The following CD1B variants were observed in gnomAD, a reference collection of about 807,000 sequenced individuals.
CD1B encodes T-cell surface glycoprotein CD1b.
CD1B carries 43 observed loss-of-function variants against 39.8 expected under a neutral mutation model. That is an observed-to-expected ratio of 1.08 (90% CI 0.85 to 1.39). The LOEUF (loss-of-function observed/expected upper bound fraction) is 1.39. Among genes scored for constraint, CD1B ranks in the 40% most tolerant of loss-of-function variants. CD1B has a pLI of 0.00. For missense variants in CD1B, 495 were observed against 403.8 expected, an observed-to-expected ratio of 1.23 and a Z score of -1.94; for synonymous variants, 192 against 152.5, an observed-to-expected ratio of 1.26 and a Z score of -1.91.
At chr1:158,309,897 G>A in the CD1B span, among the ~76,000 whole-genome samples, 1 of 151,902 alleles carries the variant, frequency 6.6e-6, no homozygotes, top group Non-Finnish European at 1.5e-5. Flanking sequence ...CGAGTCAATG[G>A]CTGCAGCACA....
the CD1B span, chr1:158,292,826 C>T: frequency 2.8e-5 from 45 of 1,613,976 alleles, no homozygotes; most frequent in Middle Eastern, 1.6e-4. Context: ...CCTGTCTTGT[C>T]GAGTGAGACA....
the CD1B span, among the ~76,000 whole-genome samples, chr1:158,320,271 G>T: frequency 6.6e-6 from 1 of 152,196 alleles, no homozygotes; most frequent in Non-Finnish European, 1.5e-5. Context: ...CTGCCGCCTT[G>T]CAGTTTGATC....
rs370845791 is a variant in CD1B, at chr1:158,331,358, C to G, written c.61+5G>C. The stretch of plus-strand genomic sequence containing the variant: ...AGTGCTGGGAGCTGCCAGAGTGACT[C>G]TTACCATGTTCACTGTTACCACCAG... On this transcript the variant is annotated splice_donor_5th_base_variant and intron_variant, in intron 1 of 5. Coordinates refer to ENST00000368168, the MANE Select transcript of CD1B (RefSeq NM_001764.3). 1 of 1,612,944 alleles carries G rather than the reference C, an allele frequency of 6.2e-7. No individual in the cohort carries two copies. Among genetic ancestry groups the G allele is most frequent in the Non-Finnish European group, 8.5e-7 (1 of 1,179,066 alleles).
chr1:158,329,288 G>T (rs185631585), intron 4 of CD1B, 82 bp downstream of exon 4: 1 of 1,501,842 alleles, frequency 6.7e-7, no homozygotes, highest in Non-Finnish European at 9.1e-7. Context: ...CATCTCTCAA[G>T]CTCTATCCTT....
At chr1:158,305,087 GA>G in the CD1B span, among the ~76,000 whole-genome samples, 3 of 152,336 alleles carry the variant, frequency 2.0e-5, no homozygotes, top group African/African-American at 7.2e-5. Flanking sequence ...GCAGGATGGA[GA>G]ATGACCTTGA....
the CD1B span, among the ~76,000 whole-genome samples, chr1:158,321,937 C>A: frequency 2.0e-5 from 3 of 152,028 alleles, no homozygotes; most frequent in Non-Finnish European, 4.4e-5. Context: ...CACACTCAGG[C>A]CCCAGTGTGT....
the CD1B span, among the ~76,000 whole-genome samples, chr1:158,289,062 T>A: frequency 4.6e-5 from 7 of 152,258 alleles, no homozygotes; most frequent in Non-Finnish European, 7.3e-5. Flanking sequence ...TTGAGATGCA[T>A]GCTGTTCTTC....
chr1:158,322,518 C>T, the CD1B span, among the ~76,000 whole-genome samples: 8 of 151,652 alleles, frequency 5.3e-5, no homozygotes, highest in Non-Finnish European at 1.2e-4. Flanking sequence ...AATCCACTTG[C>T]CTCAGCTTTC....
intron 1 of CD1B, 22 bp downstream of exon 1, chr1:158,331,341 G>A (rs1652594625): frequency 6.2e-7 from 1 of 1,609,346 alleles, no homozygotes; most frequent in African/African-American, 1.3e-5. Flanking sequence ...CCAGTGCTGG[G>A]AGCTGCCAGA....
the CD1B span, among the ~76,000 whole-genome samples, chr1:158,313,548 G>A: frequency 6.6e-6 from 1 of 152,096 alleles, no homozygotes; most frequent in Non-Finnish European, 1.5e-5. Context: ...GGGCTCAAGT[G>A]ATCCACCCTC....
At position 158,329,976 on chromosome 1, in the gene CD1B, T is replaced by C. The variant is rs57016335; in HGVS notation, c.483A>G (p.Lys161=). The C allele has an allele frequency of 0.01, 16,490 of 1,613,714 alleles. 1,111 individuals carry two copies. The African/African-American group carries it at 0.16, about 16-fold the overall frequency. ...PSPEGGSRAQ[K]FCALIIQYQG... is the part of the protein sequence containing the mutation. The stretch of plus-strand genomic sequence containing the variant: ...GATATTGTATGATTAGTGCACAGAA[T>C]TTCTGTGCCCTGCTGCCACCTTCTG... Residue 161 remains lysine, a synonymous_variant, in exon 3 of 6, where the codon AAA becomes AAG. Transcript: ENST00000368168.
the CD1B span, among the ~76,000 whole-genome samples, chr1:158,307,404 T>G: frequency 1.3e-5 from 2 of 152,156 alleles, no homozygotes; most frequent in African/African-American, 4.8e-5. Flanking sequence ...AATCCCTGAA[T>G]AGACCAATAA....
At chr1:158,305,552 C>A in the CD1B span, among the ~76,000 whole-genome samples, 1 of 152,118 alleles carries the variant, frequency 6.6e-6, no homozygotes, top group Non-Finnish European at 1.5e-5. Flanking sequence ...CAAGGCAGGC[C>A]AACATTCAAA....
chr1:158,306,465 C>A, the CD1B span, among the ~76,000 whole-genome samples: 10 of 152,198 alleles, frequency 6.6e-5, no homozygotes, highest in African/African-American at 2.4e-4. Flanking sequence ...ACTTAGACTC[C>A]CACACAATAA....
the CD1B span, chr1:158,291,184 AACC>A: frequency 6.2e-7 from 1 of 1,613,580 alleles, no homozygotes; most frequent in Non-Finnish European, 8.5e-7. Flanking sequence ...CTCATTTGTC[AACC>A]AATCCTGGGC....
chr1:158,289,223 T>TA, the CD1B span, among the ~76,000 whole-genome samples: 1 of 152,256 alleles, frequency 6.6e-6, no homozygotes, highest in African/African-American at 2.4e-5. Context: ...ATCTGCAGTT[T>TA]AAAACTCTTT....
downstream of CD1B, among the ~76,000 whole-genome samples, chr1:158,324,477 T>C (rs1652281043): frequency 1.3e-5 from 2 of 152,206 alleles, no homozygotes. Context: ...GACTATAACA[T>C]ATATAGTGGG....
At position 158,330,070 on chromosome 1, in the gene CD1B, C is replaced by A; in HGVS notation, c.389G>T (p.Ser130Ile). 6.2e-7 allele frequency: 1 copy of A among 1,613,920 alleles called. No individual in the cohort carries two copies. The change falls in exon 3 of 6, where the codon AGC becomes ATC. Residue 130 changes from serine to isoleucine, a missense_variant. Coordinates refer to ENST00000368168, the MANE Select transcript of CD1B (RefSeq NM_001764.3). The stretch of plus-strand genomic sequence containing the variant: ...TCCTCCTAGAGCTCCCCTCAGGAAG[C>A]TTACTATGGCACCTCCAGAATGTAG... ...CELHSGGAIV[S>I]FLRGALGGLD... is the part of the protein sequence containing the mutation.
At chr1:158,319,903 C>G in the CD1B span, among the ~76,000 whole-genome samples, 12 of 151,782 alleles carry the variant, frequency 7.9e-5, no homozygotes, top group African/African-American at 2.7e-4. Context: ...AGCTGCAGGT[C>G]TGTTGGAGTA....
Sources: gnomAD v4.1 joint callset for allele counts (sites outside exome capture counted in the v4.1 genomes callset) on GRCh38, gnomAD v4.1.1 for gene constraint, MANE v1.5 for transcripts, NCBI Gene and HGNC (gene_info 2026-07-23, HGNC 2026-07-21) for gene names.